TEC: variants seen among roughly 807,000 people sequenced by gnomAD.
TEC encodes tyrosine-protein kinase Tec.
In TEC, 72 loss-of-function variants were observed where a neutral mutation model predicts 93.0. The observed-to-expected ratio is 0.77, with a 90% CI of 0.64 to 0.94. The LOEUF is 0.94. TEC is among the 40% of genes least tolerant of loss of function. The pLI, the probability that TEC is intolerant of heterozygous loss-of-function variation, is 0.00. For synonymous variants in TEC, 249 were observed against 247.7 expected (o/e 1.01, Z -0.05); for missense variants, 630 against 757.9 (o/e 0.83, Z 1.98).
rs540084476 is a variant in TEC at position 48,173,696 on chromosome 4, A to T, written c.244-2247T>A. Among the ~76,000 whole-genome samples the T allele has an allele frequency of 2.0e-5, 3 of 152,352 alleles. No homozygotes were observed. The East Asian group carries it at 5.8e-4, about 29-fold the overall frequency. On this transcript the variant is annotated intron_variant, in intron 3 of 17. Transcript: ENST00000381501. ...ACCCACCCTCCTATTTATATCTTCC[A>T]TCCACTCATTCATTTATTCCATAGA...
At chr4:48,185,878 TCTCCCTCTGATGC>T (rs1385736565) in intron 2 of TEC, among the ~76,000 whole-genome samples, 1 of 145,988 alleles carries the variant, frequency 6.8e-6, no homozygotes, top group Non-Finnish European at 1.5e-5. Flanking sequence ...CTCTCACCGG[TCTCCCTCTGATGC>T]CACCAAAGTT....
At chr4:48,204,320 C>T (rs73814692) in intron 2 of TEC, among the ~76,000 whole-genome samples, 71 of 152,256 alleles carry the variant, frequency 4.7e-4, no homozygotes, top group African/African-American at 1.6e-3. Flanking sequence ...AGTTAAAAAC[C>T]GTGGACACTG....
rs758112420 is a variant in TEC at position 48,137,422 on chromosome 4, T to C, written c.1890A>G (p.Gly630=). 1.2e-6 allele frequency: 2 copies of C among 1,613,956 alleles called. No homozygotes were observed. The highest frequency in any genetic ancestry group is 1.7e-6 in the Non-Finnish European group (2 of 1,179,882). The change falls in exon 18 of 18, where the codon GGA becomes GGG. Residue 630 remains glycine (G), a synonymous_variant. Coordinates refer to ENST00000381501, the MANE Select transcript of TEC (RefSeq NM_003215.3). ...GCCACTGGTCACACATCACTTATCT[T>C]CCAAAAGTTTCTTCACATTCAACTA... ...DELVECEETF[G]R
chr4:48,171,463 A>G lies in TEC; in HGVS notation c.244-14T>C. 1 of 1,611,420 alleles carries G rather than the reference A, an allele frequency of 6.2e-7. No homozygotes were observed. Among genetic ancestry groups the G allele is most frequent in the Non-Finnish European group, 8.5e-7 (1 of 1,178,490 alleles). On this transcript the variant is annotated splice_polypyrimidine_tract_variant and intron_variant, in intron 3 of 17. Transcript: ENST00000381501. ...ATCATGAACAACCTAAAATAAAACA[A>G]AAGATGGAATTGGTGAAGAGGACTT... is the stretch of plus-strand genomic sequence containing the variant.
At chr4:48,184,041 TA>T (rs926933835) in intron 2 of TEC, among the ~76,000 whole-genome samples, 3 of 151,916 alleles carry the variant, frequency 2.0e-5, no homozygotes, top group East Asian at 1.9e-4. Context: ...CTTTTATTAT[TA>T]AAAAAAAGAA....
At chr4:48,211,549 T>C (rs1407115269) in intron 2 of TEC, among the ~76,000 whole-genome samples, 1 of 152,214 alleles carries the variant, frequency 6.6e-6, no homozygotes, top group African/African-American at 2.4e-5. Flanking sequence ...AAAAATGAGC[T>C]TACTTTACTA....
intron 2 of TEC, among the ~76,000 whole-genome samples, chr4:48,209,595 A>G (rs1722829189): frequency 6.6e-6 from 1 of 152,218 alleles, no homozygotes; most frequent in Admixed American, 6.5e-5. Context: ...CCTGGGTAAC[A>G]GAGTGAGACT....
intron 11 of TEC, among the ~76,000 whole-genome samples, chr4:48,149,183 TATACCCAAGTAA>T (rs1720054288): frequency 6.6e-6 from 1 of 152,208 alleles, no homozygotes; most frequent in African/African-American, 2.4e-5. Flanking sequence ...CCTTTGGGTA[TATACCCAAGTAA>T]TGGGATTGCT....
chr4:48,219,846 T>C (rs1723199954), intron 2 of TEC, among the ~76,000 whole-genome samples: 1 of 152,046 alleles, frequency 6.6e-6, no homozygotes, highest in African/African-American at 2.4e-5. Flanking sequence ...CCCAGCTGCT[T>C]TTTCTTTATC....
intron 2 of TEC, among the ~76,000 whole-genome samples, chr4:48,214,687 A>C (rs781374546): frequency 3.9e-4 from 60 of 151,976 alleles, no homozygotes; most frequent in Non-Finnish European, 8.4e-4. Flanking sequence ...CCCCATCTCT[A>C]CTAAAAATAC....
chr4:48,149,834 C>T, intron 10 of TEC, 144 bp from the exon 11 acceptor site: 3 of 713,440 alleles, frequency 4.2e-6, no homozygotes, highest in East Asian at 3.2e-5. Context: ...CCTTGTTCTT[C>T]TTAGCTTTGT....
At chr4:48,193,846 C>A (rs1722185618) in intron 2 of TEC, among the ~76,000 whole-genome samples, 1 of 151,328 alleles carries the variant, frequency 6.6e-6, no homozygotes, top group South Asian at 2.1e-4. Context: ...AACATGATTT[C>A]TTATCAAGAG....
chr4:48,195,347 T>C (rs1312662490), intron 2 of TEC, among the ~76,000 whole-genome samples: 1 of 152,226 alleles, frequency 6.6e-6, no homozygotes, highest in Non-Finnish European at 1.5e-5. Flanking sequence ...TGAATCTACT[T>C]ACAAACTTTT....
intron 1 of TEC, among the ~76,000 whole-genome samples, chr4:48,235,386 A>C (rs1330966534): frequency 6.6e-6 from 1 of 152,230 alleles, no homozygotes; most frequent in African/African-American, 2.4e-5. Flanking sequence ...AAAGTTTGAA[A>C]AAATGAAAAT....
chr4:48,195,739 C>A (rs1257827058), intron 2 of TEC, among the ~76,000 whole-genome samples: 1 of 152,218 alleles, frequency 6.6e-6, no homozygotes, highest in East Asian at 1.9e-4. Flanking sequence ...TCTTTGCTGG[C>A]TATCACAGCT....
chr4:48,236,300 G>A (rs1466061910), intron 1 of TEC, among the ~76,000 whole-genome samples: 1 of 141,760 alleles, frequency 7.1e-6, no homozygotes, highest in Non-Finnish European at 1.5e-5. Context: ...GTTTTTTTTT[G>A]AGACGGAGTC....
At chr4:48,248,088 C>T (rs995477585) in intron 1 of TEC, among the ~76,000 whole-genome samples, 1 of 152,192 alleles carries the variant, frequency 6.6e-6, no homozygotes, top group Admixed American at 6.5e-5. Flanking sequence ...ACAGGTCACA[C>T]TGCAGACTGA....
intron 7 of TEC, among the ~76,000 whole-genome samples, chr4:48,164,521 T>A (rs1720800868): frequency 6.6e-6 from 1 of 151,364 alleles, no homozygotes; most frequent in African/African-American, 2.4e-5. Context: ...AATCTTAAAT[T>A]TGAATTTAAA....
At chr4:48,212,174 C>T (rs1293004874) in intron 2 of TEC, among the ~76,000 whole-genome samples, 7 of 148,992 alleles carry the variant, frequency 4.7e-5, no homozygotes, top group African/African-American at 7.4e-5. Context: ...TTCTGCTGGT[C>T]TCTCTTTTCT....
Sources: allele counts gnomAD v4.1 joint callset (sites outside exome capture counted in the v4.1 genomes callset), GRCh38; gene constraint gnomAD v4.1.1; transcripts MANE v1.5; gene names NCBI Gene and HGNC (gene_info 2026-07-23, HGNC 2026-07-21).